Variants in PELI1 observed in about 807,000 individuals in gnomAD.
PELI1 encodes E3 ubiquitin-protein ligase pellino homolog 1.
PELI1 carries 15 observed loss-of-function variants against 41.3 expected under a neutral mutation model. The ratio of observed to expected loss-of-function variants is 0.36; its 90% CI spans 0.24 to 0.56. PELI1 has a LOEUF of 0.56. Ranked by LOEUF, PELI1 falls within the 20% of genes least tolerant of loss-of-function variation. PELI1 has a pLI of 0.82. For missense variants in PELI1, 403 were observed against 525.5 expected, an observed-to-expected ratio of 0.77 and a Z score of 2.28; for synonymous variants, 178 against 180.1, an observed-to-expected ratio of 0.99 and a Z score of 0.09.
At chr2:64,142,792 C>T (rs1379816772) in intron 1 of PELI1, among the ~76,000 whole-genome samples, 2 of 152,084 alleles carry the variant, frequency 1.3e-5, no homozygotes, top group Admixed American at 1.3e-4. Flanking sequence ...ATAATAAATT[C>T]ATTTATCCTT....
intron 1 of PELI1, among the ~76,000 whole-genome samples, chr2:64,143,714 A>AC (rs372854179): frequency 1.3e-5 from 2 of 151,904 alleles, no homozygotes; most frequent in East Asian, 3.9e-4. Context: ...CAAAAGGGAA[A>AC]CCCACCGCCC....
chr2:64,121,596 C>T (rs1201797295), intron 1 of PELI1, among the ~76,000 whole-genome samples: 1 of 152,042 alleles, frequency 6.6e-6, no homozygotes, highest in Non-Finnish European at 1.5e-5. Flanking sequence ...GATAAAATCT[C>T]CATATTTTCT....
At chr2:64,141,313 C>T (rs539624805) in intron 1 of PELI1, among the ~76,000 whole-genome samples, 1 of 146,272 alleles carries the variant, frequency 6.8e-6, no homozygotes, top group Non-Finnish European at 1.5e-5. Flanking sequence ...CGCCCCCACC[C>T]CAAAGGAGCT....
intron 3 of PELI1, among the ~76,000 whole-genome samples, chr2:64,101,594 G>A (rs1680435200): frequency 6.6e-6 from 1 of 152,102 alleles, no homozygotes; most frequent in Non-Finnish European, 1.5e-5. Flanking sequence ...ATACAGCAAA[G>A]AAGCTAAATG....
chr2:64,120,882 CAGTA>C (rs1381886861), intron 1 of PELI1, among the ~76,000 whole-genome samples: 1 of 152,190 alleles, frequency 6.6e-6, no homozygotes, highest in African/African-American at 2.4e-5. Flanking sequence ...TTCTGGTTCA[CAGTA>C]AGGCTATCAT....
At chr2:64,124,927 T>C (rs1479882066) in intron 1 of PELI1, among the ~76,000 whole-genome samples, 1 of 152,176 alleles carries the variant, frequency 6.6e-6, no homozygotes, top group Non-Finnish European at 1.5e-5. Flanking sequence ...TAGCTATAAA[T>C]TGGGGGTTCC....
intron 1 of PELI1, chr2:64,143,577 T>C (rs1473036948): frequency 6.6e-6 from 1 of 151,748 alleles, no homozygotes; most frequent in Non-Finnish European, 1.5e-5. Context: ...TGCTCTGAGA[T>C]CCAAAGATGA....
chr2:64,144,410 T>G lies in PELI1; in HGVS notation c.-399A>C, dbSNP rs1056919319. 7 of 149,944 alleles carry G rather than the reference T, an allele frequency of 4.7e-5. No homozygotes were observed. Among genetic ancestry groups the G allele is most frequent in the African/African-American group, 1.7e-4 (7 of 40,866 alleles). 9.3% of individuals were successfully genotyped at this position (149,944 alleles called of 1,614,324 possible). On this transcript the variant is annotated 5_prime_UTR_variant, in exon 1 of 7. Transcript: ENST00000358912. ...GACGGTCCCTCCGCCTCACACCGCC[T>G]CTGGGTCACTGACATACACTCGCAA...
chr2:64,105,557 T>C (rs1412219465), intron 2 of PELI1, among the ~76,000 whole-genome samples: 4 of 152,220 alleles, frequency 2.6e-5, no homozygotes, highest in Non-Finnish European at 4.4e-5. Context: ...TATTGAATGC[T>C]ATCCCATACA....
At chr2:64,131,669 A>G (rs1186358750) in intron 1 of PELI1, among the ~76,000 whole-genome samples, 1 of 151,608 alleles carries the variant, frequency 6.6e-6, no homozygotes, top group African/African-American at 2.4e-5. Flanking sequence ...TGCCCAGGCT[A>G]GAGTGCAGTG....
intron 3 of PELI1, among the ~76,000 whole-genome samples, chr2:64,101,162 C>A (rs1680416897): frequency 2.0e-5 from 3 of 151,986 alleles, no homozygotes; most frequent in Admixed American, 1.3e-4. Flanking sequence ...TAAGAGGAAT[C>A]TTATTTTTGA....
intron 1 of PELI1, among the ~76,000 whole-genome samples, chr2:64,141,805 T>A (rs964936336): frequency 1.4e-4 from 22 of 152,144 alleles, no homozygotes; most frequent in Admixed American, 1.3e-3. Context: ...CTTTAAGGGG[T>A]CTCAAAGAAA....
At chr2:64,133,180 C>T (rs979495086) in intron 1 of PELI1, among the ~76,000 whole-genome samples, 2 of 152,020 alleles carry the variant, frequency 1.3e-5, no homozygotes, top group African/African-American at 4.8e-5. Context: ...TATTTGTTAC[C>T]ATTTCATTTG....
intron 1 of PELI1, among the ~76,000 whole-genome samples, chr2:64,123,701 T>C (rs914236441): frequency 6.6e-6 from 1 of 152,152 alleles, no homozygotes; most frequent in African/African-American, 2.4e-5. Context: ...AGTGGGAAAG[T>C]AAAATGGTGT....
At position 64,137,312 on chromosome 2, in the gene PELI1, CAT is replaced by C. The variant is rs1681748682; in HGVS notation, c.-70+6767_-70+6768del. 2.0e-5 allele frequency among the ~76,000 whole-genome samples: 3 copies of C among 152,316 alleles called. 1 individual carries two copies. In the South Asian group the frequency reaches 6.2e-4, roughly 32 times the overall value. On this transcript the variant is annotated intron_variant, in intron 1 of 6. Transcript: ENST00000358912. ...AACCAGATTCATCTCTTAACACTAA[CAT>C]GTGTTAGTCTTTTAGTTCCTTCCCC... is the stretch of plus-strand genomic sequence containing the variant.
chr2:64,124,232 C>T (rs1011919794), intron 1 of PELI1, among the ~76,000 whole-genome samples: 8 of 152,160 alleles, frequency 5.3e-5, no homozygotes, highest in African/African-American at 1.7e-4. Context: ...ATTGATTGTG[C>T]TGCACAGCTC....
At position 64,093,127 on chromosome 2, in the gene PELI1, A is replaced by T. The variant is rs748711199; in HGVS notation, c.*1575T>A. On this transcript the variant is annotated 3_prime_UTR_variant, in exon 7 of 7. Transcript: ENST00000358912. ...TGCATTTCCTGAGTGAACCCAAATGATCATTTTTTAAAACAAGGAAGTTTC... is the reference window on the plus strand; with the variant it reads ...TGCATTTCCTGAGTGAACCCAAATGTTCATTTTTTAAAACAAGGAAGTTTC... 2 of 152,658 alleles carry T rather than the reference A, an allele frequency of 1.3e-5. No individual in the cohort carries two copies. Among genetic ancestry groups the T allele is most frequent in the Admixed American group, 6.5e-5 (1 of 15,282 alleles). The allele number at this position is 152,658 out of a possible 1,614,324, so 9.5% of individuals were successfully genotyped here.
intron 3 of PELI1, among the ~76,000 whole-genome samples, chr2:64,101,457 T>C (rs948490871): frequency 6.6e-6 from 1 of 152,226 alleles, no homozygotes; most frequent in Non-Finnish European, 1.5e-5. Flanking sequence ...ACTTTTCAGT[T>C]TTGTTTTCAA....
chr2:64,132,377 AATCT>A (rs928124153), intron 1 of PELI1, among the ~76,000 whole-genome samples: 34 of 152,284 alleles, frequency 2.2e-4, no homozygotes, highest in African/African-American at 5.1e-4. Flanking sequence ...GATCTGAAAA[AATCT>A]GAAATCCAAA....
Sources: allele counts gnomAD v4.1 joint callset (sites outside exome capture counted in the v4.1 genomes callset), GRCh38; gene constraint gnomAD v4.1.1; transcripts MANE v1.5; gene names NCBI Gene and HGNC (gene_info 2026-07-23, HGNC 2026-07-21).